Variants in DCAF10 observed in about 807,000 individuals in gnomAD.
DCAF10 encodes the protein DDB1- and CUL4-associated factor 10.
DCAF10 carries 19 observed loss-of-function variants against 51.9 expected under a neutral mutation model. That is an observed-to-expected ratio of 0.37 (90% CI 0.26 to 0.54). The LOEUF is 0.54. DCAF10 is among the 20% of genes least tolerant of loss of function. The pLI, the probability that DCAF10 is intolerant of heterozygous loss-of-function variation, is 0.87. For synonymous variants in DCAF10, 291 were observed against 297.1 expected (o/e 0.98, Z 0.21); for missense variants, 510 against 730.6 (o/e 0.70, Z 3.48).
intron 2 of DCAF10, among the ~76,000 whole-genome samples, chr9:37,822,412 TA>T (rs1829731670): frequency 2.6e-5 from 1 of 38,816 alleles, no homozygotes; most frequent in Non-Finnish European, 4.9e-5. Context: ...GTGATATATA[TA>T]TATATATATA....
chr9:37,847,991 G>T (rs1830527680), intron 3 of DCAF10, among the ~76,000 whole-genome samples: 1 of 152,290 alleles, frequency 6.6e-6, no homozygotes, highest in Non-Finnish European at 1.5e-5. Flanking sequence ...GGGAATATAA[G>T]AAGTTGTAAA....
chr9:37,809,422 GA>G (rs1471488830), intron 1 of DCAF10, among the ~76,000 whole-genome samples: 1 of 150,578 alleles, frequency 6.6e-6, no homozygotes, highest in Non-Finnish European at 1.5e-5. Flanking sequence ...AGAAATTAGT[GA>G]AATTTTAAAA....
In DCAF10 at chr9:37,829,604, G is replaced by A. The variant is rs1025646810; in HGVS notation, c.653+10203G>A. Among the ~76,000 whole-genome samples the A allele has an allele frequency of 1.3e-5, 2 of 152,186 alleles. No individual in the cohort carries two copies. The highest frequency in any genetic ancestry group is 4.8e-5 in the African/African-American group (2 of 41,446). On this transcript the variant is annotated intron_variant, in intron 2 of 6. Coordinates refer to ENST00000377724, the MANE Select transcript of DCAF10 (RefSeq NM_024345.5). This position sits in a 1 kb window ranked among gnomAD's most constrained non-coding sequence, Gnocchi z 4.2. ...TTGCTATTTCTCTCGGCAGCGAAACGTTGAGAAATAGGCACTCTTAGATAT... is the reference window on the plus strand; with the variant it reads ...TTGCTATTTCTCTCGGCAGCGAAACATTGAGAAATAGGCACTCTTAGATAT...
chr9:37,811,224 C>T (rs1054924957), intron 1 of DCAF10, among the ~76,000 whole-genome samples: 6 of 152,182 alleles, frequency 3.9e-5, no homozygotes, highest in African/African-American at 1.4e-4. Flanking sequence ...ACTAGCTACT[C>T]TGGAGGCTGA....
rs1830803895 is a variant in DCAF10, at chr9:37,854,980, C to G, written c.1052C>G (p.Ser351Ter). Reference sequence around the variant, plus strand: ...AGAGCAAGAAGAACTACTTCAAGTTCAGGTAAGCTTTTCTTTTTTGGTCAA... The same window carrying G: ...AGAGCAAGAAGAACTACTTCAAGTTGAGGTAAGCTTTTCTTTTTTGGTCAA... ...ILRARRTTSS[S>*]DLTTSSSSSG... is the part of the protein sequence containing the mutation. Residue 351 changes from serine (S) to a stop codon, truncating the protein, a stop_gained and splice_region_variant, in exon 4 of 7, where the codon TCA becomes TGA. Transcript: ENST00000377724. LOFTEE classifies it high-confidence loss of function. 1.3e-6 allele frequency: 2 copies of G among 1,597,352 alleles called. No homozygotes were observed.
chr9:37,861,751 A>G lies in DCAF10; in HGVS notation c.*243A>G, dbSNP rs956869689. ...TCCTCTGCTCCTGCTGATCTGTGCC[A>G]CTGAACTCCAGTTCTTCTGGTCATT... On this transcript the variant is annotated 3_prime_UTR_variant, in exon 7 of 7. Coordinates refer to ENST00000377724, the MANE Select transcript of DCAF10 (RefSeq NM_024345.5). The surrounding 1 kb of genome is among the most constrained non-coding windows in gnomAD (Gnocchi z 4.9). The G allele has an allele frequency of 7.2e-6, 3 of 418,064 alleles. No individual in the cohort carries two copies. Among genetic ancestry groups the G allele is most frequent in the Non-Finnish European group, 1.3e-5 (3 of 235,416 alleles). 25.9% of individuals were successfully genotyped at this position (418,064 alleles called of 1,614,324 possible).
At chr9:37,833,854 ATTT>A (rs1431399928) in intron 2 of DCAF10, among the ~76,000 whole-genome samples, 1 of 152,182 alleles carries the variant, frequency 6.6e-6, no homozygotes, top group South Asian at 2.1e-4. Context: ...GCATCTGTTG[ATTT>A]TGGGATAAAA....
At chr9:37,834,165 T>C (rs10973575) in intron 2 of DCAF10, among the ~76,000 whole-genome samples, 29,145 of 151,978 alleles carry the variant, frequency 0.19, 3,197 homozygotes, top group African/African-American at 0.29. Context: ...GTCTCAAACT[T>C]GAGCTCTGGT....
intron 1 of DCAF10, among the ~76,000 whole-genome samples, chr9:37,810,467 T>C (rs10973564): frequency 0.31 from 47,268 of 150,494 alleles, 7,864 homozygotes; most frequent in Non-Finnish European, 0.37. Flanking sequence ...TTCTTTCTTT[T>C]TTTTTTTGAG....
In DCAF10 at chr9:37,863,325, C is replaced by CAAAAAAAAAAAAAAAAAAA; in HGVS notation, c.*1823_*1841dup. 1 of 57,424 alleles carries CAAAAAAAAAAAAAAAAAAA rather than the reference C, an allele frequency of 1.7e-5. No homozygotes were observed. Among genetic ancestry groups the CAAAAAAAAAAAAAAAAAAA allele is most frequent in the Non-Finnish European group, 3.6e-5 (1 of 27,684 alleles). The allele number at this position is 57,424 out of a possible 1,614,324, so 3.6% of individuals were successfully genotyped here. A position where few individuals can be genotyped will look rare whatever the true frequency, so the allele number is the denominator to read the frequency against. Reference sequence around the variant, plus strand: ...TAGGCGACAGAGCGAGACTCTGTCTCAAAAAAAAAAAAAAAAAAAAAAAAT... The same window carrying CAAAAAAAAAAAAAAAAAAA: ...TAGGCGACAGAGCGAGACTCTGTCTCAAAAAAAAAAAAAAAAAAAAAAAAAAAAAAAAAAAAAAAAAAAT... On this transcript the variant is annotated 3_prime_UTR_variant, in exon 7 of 7. Transcript: ENST00000377724.
In DCAF10 at chr9:37,801,980, A is replaced by T. The variant is rs1407806342; in HGVS notation, c.539+575A>T. 6.6e-6 allele frequency among the ~76,000 whole-genome samples: 1 copy of T among 152,206 alleles called. No individual in the cohort carries two copies. The highest frequency in any genetic ancestry group is 6.5e-5 in the Admixed American group (1 of 15,284). Reference sequence around the variant, plus strand: ...CTACAGCCTTTTTCTTGGCTGATTAAATATTTATTGTATGGCTTTGCTTTA... The same window carrying T: ...CTACAGCCTTTTTCTTGGCTGATTATATATTTATTGTATGGCTTTGCTTTA... On this transcript the variant is annotated intron_variant, in intron 1 of 6. Coordinates refer to ENST00000377724, the MANE Select transcript of DCAF10 (RefSeq NM_024345.5). This position sits in a 1 kb window ranked among gnomAD's most constrained non-coding sequence, Gnocchi z 5.5.
At chr9:37,826,395 G>A (rs1168736966) in intron 2 of DCAF10, among the ~76,000 whole-genome samples, 5 of 152,234 alleles carry the variant, frequency 3.3e-5, no homozygotes, top group Non-Finnish European at 5.9e-5. Context: ...TAAGCCAAAT[G>A]TTGGCATAGA....
intron 3 of DCAF10, among the ~76,000 whole-genome samples, chr9:37,848,967 T>C (rs28424135): frequency 0.19 from 27,873 of 142,980 alleles, 3,046 homozygotes; most frequent in African/African-American, 0.3. Context: ...AGCGAGACTC[T>C]GTCTCAAAAA....
chr9:37,862,129 T>G lies in DCAF10; in HGVS notation c.*621T>G, dbSNP rs1164166495. Reference sequence around the variant, plus strand: ...TGTCTTTTAAGTTTCCTGTTAAAATTATAAAAAGATTTTCATGGTGAGAGG... The same window carrying G: ...TGTCTTTTAAGTTTCCTGTTAAAATGATAAAAAGATTTTCATGGTGAGAGG... On this transcript the variant is annotated 3_prime_UTR_variant, in exon 7 of 7. Coordinates refer to ENST00000377724, the MANE Select transcript of DCAF10 (RefSeq NM_024345.5). 5 of 152,624 alleles carry G rather than the reference T, an allele frequency of 3.3e-5. No individual in the cohort carries two copies. Among genetic ancestry groups the G allele is most frequent in the African/African-American group, 1.2e-4 (5 of 41,452 alleles). 9.5% of individuals were successfully genotyped at this position (152,624 alleles called of 1,614,324 possible). A position where few individuals can be genotyped will look rare whatever the true frequency, so the allele number is the denominator to read the frequency against.
chr9:37,823,973 T>C (rs1195862419), intron 2 of DCAF10, among the ~76,000 whole-genome samples: 3 of 150,892 alleles, frequency 2.0e-5, no homozygotes, highest in Non-Finnish European at 3.0e-5. Flanking sequence ...CTCTATCTCC[T>C]GGACTGAAGC....
intron 1 of DCAF10, among the ~76,000 whole-genome samples, chr9:37,803,416 A>G (rs991858725): frequency 1.4e-5 from 2 of 146,206 alleles, no homozygotes; most frequent in Non-Finnish European, 2.9e-5. Flanking sequence ...CAAATATTTT[A>G]TATTTATATC....
chr9:37,807,723 C>G (rs1471620540), intron 1 of DCAF10, among the ~76,000 whole-genome samples: 1 of 137,942 alleles, frequency 7.2e-6, no homozygotes. Context: ...ACTGCAATGG[C>G]GCGATCTTGC....
chr9:37,817,545 C>G (rs1199074402), intron 1 of DCAF10, among the ~76,000 whole-genome samples: 3 of 151,972 alleles, frequency 2.0e-5, no homozygotes, highest in Non-Finnish European at 4.4e-5. Context: ...TTGCAGTGAA[C>G]TGAGGTCGCG....
At chr9:37,800,587 A>G, upstream of DCAF10, 1 of 1,536,054 alleles carries the variant, frequency 6.5e-7, no homozygotes, top group Non-Finnish European at 8.7e-7. Context: ...CCGGTCACTG[A>G]CAACTACAGA....
Sources: allele counts gnomAD v4.1 joint callset (sites outside exome capture counted in the v4.1 genomes callset), GRCh38; gene constraint gnomAD v4.1.1; non-coding constraint Gnocchi (gnomAD v3.1); transcripts MANE v1.5; gene names NCBI Gene and HGNC (gene_info 2026-07-23, HGNC 2026-07-21).